PDK1: variants seen among roughly 807,000 people sequenced by gnomAD.
The protein encoded by PDK1 is [Pyruvate dehydrogenase (acetyl-transferring)] kinase isozyme 1, mitochondrial.
PDK1 carries 39 observed loss-of-function variants against 54.2 expected under a neutral mutation model. The observed-to-expected ratio is 0.72, with a 90% CI of 0.56 to 0.94. PDK1 has a LOEUF of 0.94. Among genes scored for constraint, PDK1 ranks in the 40% least tolerant of loss-of-function variants. The probability of loss-of-function intolerance (pLI) is 0.00; values close to 1 mark genes in which losing one functional copy is unlikely to be tolerated. For missense variants in PDK1, 552 were observed against 566.0 expected, an observed-to-expected ratio of 0.98 and a Z score of 0.25; for synonymous variants, 221 against 207.1, an observed-to-expected ratio of 1.07 and a Z score of -0.58.
chr2:172,654,447 C>A, the PDK1 span, among the ~76,000 whole-genome samples: 2 of 152,156 alleles, frequency 1.3e-5, no homozygotes, highest in African/African-American at 4.8e-5. Context: ...AGGATGAGTT[C>A]ATGTCCTTTG....
the PDK1 span, among the ~76,000 whole-genome samples, chr2:172,621,855 TTA>T: frequency 7.0e-6 from 1 of 142,426 alleles, no homozygotes; most frequent in Non-Finnish European, 1.5e-5. Context: ...TGATACATGT[TTA>T]TATCTCATAT....
In PDK1 at chr2:172,597,265, C is replaced by T. The variant is rs190817353; in HGVS notation, c.*1296C>T. On this transcript the variant is annotated 3_prime_UTR_variant, in exon 11 of 11. Transcript: ENST00000282077. ...GGAACTACAGTTGTGCACTACCACA[C>T]CCAGCTAATTTTTTGATTTCTTGTG... 6.6e-6 allele frequency: 1 copy of T among 152,202 alleles called. No homozygotes were observed. Among genetic ancestry groups the T allele is most frequent in the Admixed American group, 6.5e-5 (1 of 15,280 alleles). The allele number at this position is 152,202 out of a possible 1,614,324, so 9.4% of individuals were successfully genotyped here. A position where few individuals can be genotyped will look rare whatever the true frequency, so the allele number is the denominator to read the frequency against.
chr2:172,583,848 A>G lies in PDK1; in HGVS notation c.946-2430A>G, dbSNP rs984671169. 1.2e-4 allele frequency among the ~76,000 whole-genome samples: 18 copies of G among 152,260 alleles called. 1 individual carries two copies. Among genetic ancestry groups the G allele is most frequent in the African/African-American group, 4.1e-4 (17 of 41,560 alleles). On this transcript the variant is annotated intron_variant, in intron 8 of 10. Coordinates refer to ENST00000282077, the MANE Select transcript of PDK1 (RefSeq NM_002610.5). ...ATATTATTCAGTACTATTTTAATCT[A>G]TATATACATAAATTAAAAGCAGATT...
rs544046049 is a variant in PDK1 at position 172,602,473 on chromosome 2, T to C, written c.*6504T>C. On this transcript the variant is annotated 3_prime_UTR_variant, in exon 11 of 11. Transcript: ENST00000282077. ...ACTTATATAAGCCATTAGTGGATGTTACAATAAACCTCGTATAGTGTCAGA... is the reference window on the plus strand; with the variant it reads ...ACTTATATAAGCCATTAGTGGATGTCACAATAAACCTCGTATAGTGTCAGA... 3.9e-5 allele frequency: 6 copies of C among 152,326 alleles called. No homozygotes were observed. The highest frequency in any genetic ancestry group is 1.4e-4 in the African/African-American group (6 of 41,572). The allele number at this position is 152,326 out of a possible 1,614,324, so 9.4% of individuals were successfully genotyped here. A position where few individuals can be genotyped will look rare whatever the true frequency, so the allele number is the denominator to read the frequency against.
the PDK1 span, among the ~76,000 whole-genome samples, chr2:172,717,589 TG>T: frequency 1.3e-5 from 2 of 152,220 alleles, no homozygotes; most frequent in South Asian, 4.1e-4. Flanking sequence ...AGTCTTGCTC[TG>T]TTGCCCAGGC....
the PDK1 span, among the ~76,000 whole-genome samples, chr2:172,627,717 G>A: frequency 1.3e-5 from 2 of 152,110 alleles, no homozygotes; most frequent in African/African-American, 2.4e-5. Flanking sequence ...AACTTGATAC[G>A]CAAGAAGGTA....
At chr2:172,639,527 A>T in the PDK1 span, among the ~76,000 whole-genome samples, 10 of 152,224 alleles carry the variant, frequency 6.6e-5, no homozygotes, top group African/African-American at 2.4e-4. Flanking sequence ...TTGCGATTAA[A>T]AGCACCTAAC....
At chr2:172,707,122 A>G in the PDK1 span, among the ~76,000 whole-genome samples, 1 of 152,120 alleles carries the variant, frequency 6.6e-6, no homozygotes, top group Non-Finnish European at 1.5e-5. Flanking sequence ...CCAGCAGGGA[A>G]GGGTAGGGAG....
the PDK1 span, among the ~76,000 whole-genome samples, chr2:172,661,864 C>T: frequency 6.6e-6 from 1 of 152,158 alleles, no homozygotes. Flanking sequence ...ATGCTCACCA[C>T]CTGTGTGACG....
At chr2:172,622,289 TATG>T in the PDK1 span, among the ~76,000 whole-genome samples, 1 of 148,594 alleles carries the variant, frequency 6.7e-6, no homozygotes, top group African/African-American at 2.5e-5. Context: ...TCTCATATAT[TATG>T]TGAGATATGT....
chr2:172,629,740 G>T, the PDK1 span, among the ~76,000 whole-genome samples: 1 of 152,172 alleles, frequency 6.6e-6, no homozygotes, highest in Non-Finnish European at 1.5e-5. Flanking sequence ...CACTCCCTCT[G>T]GGGCATCAGG....
the PDK1 span, among the ~76,000 whole-genome samples, chr2:172,614,359 C>T: frequency 1.3e-5 from 2 of 152,226 alleles, no homozygotes; most frequent in Non-Finnish European, 1.5e-5. Context: ...TTCCGTGCTG[C>T]TCATGGCTGC....
At chr2:172,675,885 C>CT in the PDK1 span, among the ~76,000 whole-genome samples, 44 of 152,294 alleles carry the variant, frequency 2.9e-4, no homozygotes, top group Middle Eastern at 3.4e-3. Context: ...CAGGCTGACT[C>CT]TCTTGTGAAG....
chr2:172,578,498 C>A (rs1689701874), intron 8 of PDK1, among the ~76,000 whole-genome samples: 1 of 151,616 alleles, frequency 6.6e-6, no homozygotes, highest in Non-Finnish European at 1.5e-5. Flanking sequence ...TTAAAATTTT[C>A]TATTTTGAGA....
the PDK1 span, among the ~76,000 whole-genome samples, chr2:172,711,593 A>G: frequency 6.6e-6 from 1 of 152,206 alleles, no homozygotes; most frequent in Non-Finnish European, 1.5e-5. Flanking sequence ...GGCTGGGTAC[A>G]GTGGCTTACA....
chr2:172,719,280 G>C, the PDK1 span, among the ~76,000 whole-genome samples: 1 of 152,254 alleles, frequency 6.6e-6, no homozygotes, highest in East Asian at 1.9e-4. Flanking sequence ...AAATAGTCGT[G>C]TACAGGTTTT....
the PDK1 span, among the ~76,000 whole-genome samples, chr2:172,639,179 C>G: frequency 6.6e-6 from 1 of 152,174 alleles, no homozygotes; most frequent in African/African-American, 2.4e-5. Context: ...AGCCACCATG[C>G]CTAGCCAAGT....
the PDK1 span, among the ~76,000 whole-genome samples, chr2:172,658,347 C>T: frequency 1.3e-5 from 2 of 152,186 alleles, no homozygotes; most frequent in South Asian, 4.1e-4. Context: ...TTACGCCTGT[C>T]TTACTTTAAT....
the PDK1 span, among the ~76,000 whole-genome samples, chr2:172,710,355 C>T: frequency 1.3e-5 from 2 of 152,190 alleles, no homozygotes; most frequent in African/African-American, 2.4e-5. Context: ...ATTCAAAGTA[C>T]TCTTAATATA....
Sources: allele counts gnomAD v4.1 joint callset (sites outside exome capture counted in the v4.1 genomes callset), GRCh38; gene constraint gnomAD v4.1.1; transcripts MANE v1.5; gene names NCBI Gene and HGNC (gene_info 2026-07-23, HGNC 2026-07-21).